Variants in GFAP observed in about 807,000 individuals in gnomAD.
GFAP encodes intermediate filament protein.
Under a neutral mutation model 49.3 loss-of-function variants are expected in GFAP, and 38 were observed. The ratio of observed to expected loss-of-function variants is 0.77; its 90% CI spans 0.60 to 1.01. The LOEUF is 1.01. Among genes scored for constraint, GFAP ranks in the 50% least tolerant of loss-of-function variants. The pLI is 0.00. For missense variants in GFAP, 463 were observed against 579.1 expected (o/e 0.80, Z 2.06); for synonymous variants, 222 against 236.4 (o/e 0.94, Z 0.56).
Position 44,905,157 on chromosome 17 carries a change from G to A in GFAP, c.*2190C>T, listed in dbSNP as rs916079648. 8.4e-5 allele frequency: 89 copies of A among 1,061,814 alleles called. No homozygotes were observed. The highest frequency in any genetic ancestry group is 2.1e-4 in the Middle Eastern group (1 of 4,806). 65.8% of individuals were successfully genotyped at this position (1,061,814 alleles called of 1,614,324 possible). On this transcript the variant is annotated 3_prime_UTR_variant, in exon 9 of 9. Coordinates refer to ENST00000588735, the MANE Select transcript of GFAP (RefSeq NM_002055.5). ...TGTCTCTGGGTGGGTACCCTGGGTT[G>A]GGACAGGTGGTAGGAACATGTGGAC...
Position 44,903,200 on chromosome 17 carries a change from A to T in GFAP, c.*4147T>A. 1 of 1,267,752 alleles carries T rather than the reference A, an allele frequency of 7.9e-7. No homozygotes were observed. Among genetic ancestry groups the T allele is most frequent in the Non-Finnish European group, 9.9e-7 (1 of 1,008,988 alleles). The allele number at this position is 1,267,752 out of a possible 1,614,324, so 78.5% of individuals were successfully genotyped here. A position where few individuals can be genotyped will look rare whatever the true frequency, so the allele number is the denominator to read the frequency against. The stretch of plus-strand genomic sequence containing the variant: ...AAATCTTTATGGTAAACAAACACTG[A>T]TCTCCACAGCTCTTAACAAGAATGT... On this transcript the variant is annotated 3_prime_UTR_variant, in exon 9 of 9. Transcript: ENST00000588735.
rs778188539 is a variant in GFAP at position 44,904,577 on chromosome 17, C to T, written c.*2770G>A. The stretch of plus-strand genomic sequence containing the variant: ...ACCCTGTGAGAAGACAAAGACCATC[C>T]GGGAGGGCGTGCTGGCCATCATTAA... On this transcript the variant is annotated 3_prime_UTR_variant, in exon 9 of 9. Coordinates refer to ENST00000588735, the MANE Select transcript of GFAP (RefSeq NM_002055.5). 20 of 1,550,566 alleles carry T rather than the reference C, an allele frequency of 1.3e-5. No homozygotes were observed. Among genetic ancestry groups the T allele is most frequent in the South Asian group, 8.3e-5 (7 of 84,058 alleles).
chr17:44,914,985 C>T, intron 1 of GFAP, 41 bp downstream of exon 1: 1 of 1,549,994 alleles, frequency 6.5e-7, no homozygotes, highest in Non-Finnish European at 8.8e-7. Flanking sequence ...GGATTCAGCC[C>T]CTTCTGCTCA....
Position 44,906,894 on chromosome 17 carries a change from T to C in GFAP, c.*453A>G. The C allele has an allele frequency of 4.0e-6, 1 of 247,874 alleles. No homozygotes were observed. The highest frequency in any genetic ancestry group is 5.2e-5 in the South Asian group (1 of 19,304). 15.4% of individuals were successfully genotyped at this position (247,874 alleles called of 1,614,324 possible). ...TGTCTGTGGGGCCTTCCCTTTCCTG[T>C]CTGAGTCTCAGTTTTCCTCCAGCAG... On this transcript the variant is annotated 3_prime_UTR_variant, in exon 9 of 9. Transcript: ENST00000588735.
At position 44,907,223 on chromosome 17, in the gene GFAP, G is replaced by A; in HGVS notation, c.*124C>T. On this transcript the variant is annotated 3_prime_UTR_variant, in exon 9 of 9. Transcript: ENST00000588735. ...GCTGACCTAGGGACAGAGGAGGGAG[G>A]GGAGCAGCTGGGGTGGTGGGGAGCT... 2.3e-6 allele frequency: 2 copies of A among 880,230 alleles called. No homozygotes were observed. The highest frequency in any genetic ancestry group is 3.8e-6 in the Non-Finnish European group (2 of 526,222). 54.5% of individuals were successfully genotyped at this position (880,230 alleles called of 1,614,324 possible).
Position 44,913,383 on chromosome 17 carries a change from C to T in GFAP, c.666G>A (p.Val222=). 1.2e-6 allele frequency: 2 copies of T among 1,614,214 alleles called. No individual in the cohort carries two copies. Among genetic ancestry groups the T allele is most frequent in the Non-Finnish European group, 1.7e-6 (2 of 1,180,038 alleles). Residue 222 remains valine (V), a synonymous_variant, in exon 4 of 9, where the codon GTG becomes GTA. Coordinates refer to ENST00000588735, the MANE Select transcript of GFAP (RefSeq NM_002055.5). ...GGTCTGGCTTGGCCACGTCAAGCTCCACATGGACCTGCTGTCGGGCCAGCT... is the reference window on the plus strand; with the variant it reads ...GGTCTGGCTTGGCCACGTCAAGCTCTACATGGACCTGCTGTCGGGCCAGCT... ...QEQLARQQVH[V]ELDVAKPDLT... is the part of the protein sequence containing the mutation.
At chr17:44,912,518 G>T (rs1173689529) in intron 4 of GFAP, 1 of 153,750 alleles carries the variant, frequency 6.5e-6, no homozygotes, top group African/African-American at 2.4e-5. Flanking sequence ...AGTGGCTTCT[G>T]CCACTCACAC....
Position 44,907,238 on chromosome 17 carries a change from G to A in GFAP, c.*109C>T. ...GAGGAGGGAGGGGAGCAGCTGGGGT[G>A]GTGGGGAGCTCAGGTCTGGGGAAAT... On this transcript the variant is annotated 3_prime_UTR_variant, in exon 9 of 9. Coordinates refer to ENST00000588735, the MANE Select transcript of GFAP (RefSeq NM_002055.5). 1.0e-6 allele frequency: 1 copy of A among 997,098 alleles called. No homozygotes were observed. Among genetic ancestry groups the A allele is most frequent in the Non-Finnish European group, 1.6e-6 (1 of 624,104 alleles). 61.8% of individuals were successfully genotyped at this position (997,098 alleles called of 1,614,324 possible).
chr17:44,903,831 T>G lies in GFAP; in HGVS notation c.*3516A>C, dbSNP rs1193166949. 6.5e-7 allele frequency: 1 copy of G among 1,549,284 alleles called. No individual in the cohort carries two copies. The highest frequency in any genetic ancestry group is 8.7e-7 in the Non-Finnish European group (1 of 1,146,210). On this transcript the variant is annotated 3_prime_UTR_variant, in exon 9 of 9. Coordinates refer to ENST00000588735, the MANE Select transcript of GFAP (RefSeq NM_002055.5). ...CTCTGACCCCTGCCTCCTTCAGGTA[T>G]GCACCTGGCCCTCACCACTGTGCTC...
intron 3 of GFAP, 105 bp from the exon 4 acceptor site, chr17:44,913,535 G>A (rs552708594): frequency 1.6e-6 from 2 of 1,266,344 alleles, no homozygotes; most frequent in Admixed American, 3.6e-5. Flanking sequence ...CCAGGAGTTC[G>A]AATGCTCTCT....
chr17:44,915,153 G>C lies in GFAP; in HGVS notation c.334C>G (p.Leu112Val), dbSNP rs759594700. 30 of 1,614,186 alleles carry C rather than the reference G, an allele frequency of 1.9e-5. No individual in the cohort carries two copies. Among genetic ancestry groups the C allele is most frequent in the Non-Finnish European group, 2.5e-5 (30 of 1,180,034 alleles). ...AGCTCAGCCTGGTAGACGTCTGCCA[G>C]CTTGGTGGGCTCCTTGGCCCGCAGC... ...NQLRAKEPTKLADVYQAELRE... is the reference protein window; with the variant it reads ...NQLRAKEPTKVADVYQAELRE... The change falls in exon 1 of 9, where the codon CTG becomes GTG. Residue 112 changes from leucine to valine, a missense_variant. This residue lies in a region of GFAP where 362 missense variants were observed against 445.5 expected (regional missense o/e 0.81). Coordinates refer to ENST00000588735, the MANE Select transcript of GFAP (RefSeq NM_002055.5). This position sits in a 1 kb window ranked among gnomAD's most constrained non-coding sequence, Gnocchi z 4.1.
chr17:44,914,868 T>C, intron 1 of GFAP, 158 bp downstream of exon 1: 4 of 664,196 alleles, frequency 6.0e-6, no homozygotes, highest in Non-Finnish European at 1.0e-5. Context: ...TTCTGGTCCC[T>C]CCCATCATGT....
chr17:44,905,112 G>C lies in GFAP; in HGVS notation c.*2235C>G. ...CTGAAGACCAGTTGTCCTTCAATGTGTTTGTTAAATGATACCAGATGTCTC... is the reference window on the plus strand; with the variant it reads ...CTGAAGACCAGTTGTCCTTCAATGTCTTTGTTAAATGATACCAGATGTCTC... On this transcript the variant is annotated 3_prime_UTR_variant, in exon 9 of 9. Transcript: ENST00000588735. 1 of 1,442,974 alleles carries C rather than the reference G, an allele frequency of 6.9e-7. No individual in the cohort carries two copies. Among genetic ancestry groups the C allele is most frequent in the Non-Finnish European group, 9.4e-7 (1 of 1,069,050 alleles). 89.4% of individuals were successfully genotyped at this position (1,442,974 alleles called of 1,614,324 possible).
chr17:44,913,706 C>T lies in GFAP; in HGVS notation c.618+22G>A. On this transcript the variant is annotated intron_variant, in intron 3 of 8. Transcript: ENST00000588735. The stretch of plus-strand genomic sequence containing the variant: ...AGTTGCAATCTCTGTGTTGAGCTTT[C>T]CTCCCTCTGCCCTGGCCTCACCTCC... 4 of 1,561,704 alleles carry T rather than the reference C, an allele frequency of 2.6e-6. No individual in the cohort carries two copies. In the East Asian group the frequency reaches 6.7e-5, roughly 26 times the overall value.
intron 7 of GFAP, 118 bp from the exon 8 acceptor site, chr17:44,908,267 C>T: frequency 1.4e-6 from 1 of 732,300 alleles, no homozygotes; most frequent in Non-Finnish European, 2.5e-6. Flanking sequence ...ACCTATGCAA[C>T]CGAGCAGAGA....
chr17:44,911,434 A>ATCT lies in GFAP; in HGVS notation c.926_928dup (p.Gln309_Met310insLys). 1 of 1,610,532 alleles carries ATCT rather than the reference A, an allele frequency of 6.2e-7. No homozygotes were observed. Among genetic ancestry groups the ATCT allele is most frequent in the East Asian group, 2.2e-5 (1 of 44,834 alleles). On this transcript the variant is annotated inframe_insertion, in exon 6 of 9. Transcript: ENST00000588735. ...CACGTGCCGCTCCTCCTGCTCGCGC[A>ATCT]TCTGCCTCTCCAGGGACTCGTTCTG...
chr17:44,914,655 T>G (rs946453755), intron 1 of GFAP: 2 of 295,208 alleles, frequency 6.8e-6, no homozygotes, highest in Non-Finnish European at 1.3e-5. Flanking sequence ...ACATCAACCT[T>G]CTCCGCTTCC....
At position 44,915,409 on chromosome 17, in the gene GFAP, A is replaced by G. The variant is rs1330799610; in HGVS notation, c.78T>C (p.Ala26=). The G allele has an allele frequency of 1.9e-6, 3 of 1,607,146 alleles. No homozygotes were observed. The African/African-American group carries it at 4.0e-5, about 21-fold the overall frequency. ...TGCCAGGACCCAGACGGCGGCCAGG[A>G]GCCAGGCCCCCCACCATCATCTCCC... is the stretch of plus-strand genomic sequence containing the variant. The part of the protein sequence containing the change: ...SSGEMMVGGL[A]PGRRLGPGTR... Residue 26 remains alanine (A), a synonymous_variant, in exon 1 of 9, where the codon GCT becomes GCC. Coordinates refer to ENST00000588735, the MANE Select transcript of GFAP (RefSeq NM_002055.5). The surrounding 1 kb of genome is among the most constrained non-coding windows in gnomAD (Gnocchi z 4.1).
chr17:44,911,155 A>G, intron 6 of GFAP, 81 bp downstream of exon 6: 1 of 1,261,490 alleles, frequency 7.9e-7, no homozygotes, highest in Non-Finnish European at 1.2e-6. Context: ...GCTGAAAAAG[A>G]CTCAGTCCCT....
Sources: allele counts gnomAD v4.1 joint callset, GRCh38; gene constraint gnomAD v4.1.1; regional missense constraint gnomAD v4.1.1; non-coding constraint Gnocchi (gnomAD v3.1); transcripts MANE v1.5; gene names NCBI Gene and HGNC (gene_info 2026-07-23, HGNC 2026-07-21).